Variants in BCOR observed in about 807,000 individuals in gnomAD.
BCOR encodes the protein BCL6 corepressor.
In BCOR, 10 loss-of-function variants were observed where a neutral mutation model predicts 86.7. The observed-to-expected ratio is 0.12, with a 90% CI of 0.07 to 0.20. The LOEUF (loss-of-function observed/expected upper bound fraction) is 0.20, where lower values mean the gene tolerates loss of function less well. BCOR is among the 10% of genes least tolerant of loss of function. BCOR has a pLI of 1.00. For missense variants in BCOR, 1,259 were observed against 1,452.1 expected, an observed-to-expected ratio of 0.87 and a Z score of 2.16; for synonymous variants, 611 against 609.0, an observed-to-expected ratio of 1.00 and a Z score of -0.05.
At chrX:40,081,934 A>G (rs1936123587) in intron 1 of BCOR, among the ~76,000 whole-genome samples, 1 of 112,684 alleles carries the variant, frequency 8.9e-6, no homozygotes, top group Non-Finnish European at 1.9e-5. Flanking sequence ...TGCACACTGC[A>G]TACTGCATGG....
At chrX:40,116,956 G>C (rs1937404781) in intron 1 of BCOR, among the ~76,000 whole-genome samples, 1 of 111,961 alleles carries the variant, frequency 8.9e-6, no homozygotes, top group Non-Finnish European at 1.9e-5. Flanking sequence ...ATGCTGGTCA[G>C]CCAGTGGATG....
intron 1 of BCOR, among the ~76,000 whole-genome samples, chrX:40,143,054 C>T (rs1394673047): frequency 5.3e-5 from 6 of 112,557 alleles, no homozygotes; most frequent in Non-Finnish European, 9.4e-5. Flanking sequence ...ACGAGCTGAG[C>T]TGCCGGCAGG....
intron 1 of BCOR, among the ~76,000 whole-genome samples, chrX:40,087,979 G>A (rs190084710): frequency 3.6e-5 from 4 of 112,439 alleles, no homozygotes; most frequent in African/African-American, 1.3e-4. Flanking sequence ...CCTAAATGAC[G>A]TAGGCCTCGA....
chrX:40,093,842 A>C (rs1461401211), intron 1 of BCOR, among the ~76,000 whole-genome samples: 1 of 111,623 alleles, frequency 9.0e-6, no homozygotes, highest in African/African-American at 3.3e-5. Context: ...CTCTTTGGGA[A>C]CATTGAGTCT....
At chrX:40,168,429 A>G (rs1938549188) in intron 1 of BCOR, among the ~76,000 whole-genome samples, 2 of 111,149 alleles carry the variant, frequency 1.8e-5, no homozygotes, top group Non-Finnish European at 3.8e-5. Context: ...GGCGGCAAAC[A>G]CCCCCCTCCT....
chrX:40,097,128 G>A (rs1936922054), intron 1 of BCOR, 87 bp downstream of exon 1: 1 of 112,685 alleles, frequency 8.9e-6, no homozygotes, highest in South Asian at 3.6e-4. Flanking sequence ...AGGGGGCCCC[G>A]GGAGAGGGGG....
intron 1 of BCOR, among the ~76,000 whole-genome samples, chrX:40,151,726 G>A (rs1309908597): frequency 1.8e-5 from 2 of 112,774 alleles, no homozygotes; most frequent in Non-Finnish European, 3.8e-5. Context: ...GGCCGCAGCG[G>A]TGGCGGCGGC....
rs759835339 is a variant in BCOR, at chrX:40,090,916, C to T, written c.-41+6299G>A. ...AAGACCCCTATAACCCTATAAACCT[C>T]TCCTCTCCCTCTAAGTTCCTATTAG... On this transcript the variant is annotated intron_variant, in intron 1 of 14. Transcript: ENST00000378444. Among the ~76,000 whole-genome samples the T allele has an allele frequency of 1.4e-4, 16 of 111,399 alleles. No individual in the cohort carries two copies. In the South Asian group the frequency reaches 6.0e-3, roughly 42 times the overall value.
In BCOR at chrX:40,073,314, G is replaced by A. The variant is rs145560179; in HGVS notation, c.2032C>T (p.Pro678Ser). 149 of 1,208,765 alleles carry A rather than the reference G, an allele frequency of 1.2e-4. No individual in the cohort carries two copies. The highest frequency in any genetic ancestry group is 1.6e-4 in the Non-Finnish European group (146 of 894,037). The change falls in exon 4 of 15, where the codon CCT (proline) becomes TCT (serine). Residue 678 changes from proline to serine, a missense_variant. By Grantham distance (74) the Pro-to-Ser change is moderately conservative. Coordinates refer to ENST00000378444, the MANE Select transcript of BCOR (RefSeq NM_001123385.2). ...AACAAAACTGGGTGAGGGTAGACAG[G>A]TCCTTTGCCATGTAAGGAGAGGGGA... ...VSPLSLHGKG[P>S]VYPHPVLLPN...
At chrX:40,126,536 A>C (rs1207974075) in intron 1 of BCOR, among the ~76,000 whole-genome samples, 1 of 109,531 alleles carries the variant, frequency 9.1e-6, no homozygotes, top group Non-Finnish European at 1.9e-5. Context: ...AAAAAAAAAA[A>C]AGAAAAGAAA....
In BCOR at chrX:40,063,770, G is replaced by T. The variant is rs757450307; in HGVS notation, c.3685C>A (p.Pro1229Thr). The T allele has an allele frequency of 8.3e-7, 1 of 1,210,303 alleles. No homozygotes were observed. Among genetic ancestry groups the T allele is most frequent in the Non-Finnish European group, 1.1e-6 (1 of 895,299 alleles). The change falls in exon 8 of 15, where the codon CCT (proline) becomes ACT (threonine). Residue 1229 changes from proline to threonine, a missense_variant. Physicochemically the swap from Pro to Thr is conservative, Grantham distance 38. Coordinates refer to ENST00000378444, the MANE Select transcript of BCOR (RefSeq NM_001123385.2). Reference sequence around the variant, plus strand: ...ACTTCCTTCCTGCTTTGCCGGCCAGGTTTGCCATCTGCTGCCGACACCTGC... The same window carrying T: ...ACTTCCTTCCTGCTTTGCCGGCCAGTTTTGCCATCTGCTGCCGACACCTGC... ...EQQVSAADGK[P>T]GRQSRKEVTQ...
chrX:40,134,623 A>T (rs1239264991), intron 1 of BCOR, among the ~76,000 whole-genome samples: 1 of 111,406 alleles, frequency 9.0e-6, no homozygotes, highest in Admixed American at 9.6e-5. Flanking sequence ...ACCCTGTCTC[A>T]AAAACCAAAC....
intron 8 of BCOR, 39 bp downstream of exon 8, chrX:40,063,569 A>G (rs1935016096): frequency 9.0e-7 from 1 of 1,112,244 alleles, no homozygotes; most frequent in Non-Finnish European, 1.2e-6. Flanking sequence ...CCCACCCTCC[A>G]GGAGCGGGGT....
At chrX:40,101,421 TAAAG>T (rs1030382389), upstream of BCOR, among the ~76,000 whole-genome samples, 11 of 112,154 alleles carry the variant, frequency 9.8e-5, no homozygotes, top group South Asian at 3.6e-4. Flanking sequence ...CACGGAGAAA[TAAAG>T]AAATAGGTGC....
chrX:40,133,095 A>G (rs1385834304), intron 1 of BCOR, among the ~76,000 whole-genome samples: 2 of 109,889 alleles, frequency 1.8e-5, no homozygotes, highest in Non-Finnish European at 3.8e-5. Context: ...AAAATCCCTC[A>G]TGATCTGAGC....
At chrX:40,124,576 A>T (rs1009341740) in intron 1 of BCOR, among the ~76,000 whole-genome samples, 5 of 109,945 alleles carry the variant, frequency 4.5e-5, no homozygotes, top group Non-Finnish European at 9.5e-5. Context: ...ACAATTTTTT[A>T]AAAAGGTTTT....
chrX:40,064,139 C>A (rs990277970), intron 7 of BCOR, among the ~76,000 whole-genome samples, 187 bp from the exon 8 acceptor site: 1 of 109,986 alleles, frequency 9.1e-6, no homozygotes, highest in Non-Finnish European at 1.9e-5. Flanking sequence ...CGGCTCCCCC[C>A]GGGGGCTCCA....
At chrX:40,098,388 G>A (rs1333136645), upstream of BCOR, among the ~76,000 whole-genome samples, 1 of 109,052 alleles carries the variant, frequency 9.2e-6, no homozygotes, top group Admixed American at 9.5e-5. Context: ...CGCCCGACCC[G>A]GGCGCACGTC....
intron 1 of BCOR, among the ~76,000 whole-genome samples, chrX:40,154,562 C>T (rs1213961152): frequency 2.7e-5 from 3 of 110,566 alleles, no homozygotes; most frequent in Non-Finnish European, 5.7e-5. Context: ...TCCCCTCCCC[C>T]ACCTCGGCTT....
Sources: allele counts gnomAD v4.1 joint callset (sites outside exome capture counted in the v4.1 genomes callset), GRCh38; gene constraint gnomAD v4.1.1; transcripts MANE v1.5; gene names NCBI Gene and HGNC (gene_info 2026-07-23, HGNC 2026-07-21).